DYDC2: variants seen among roughly 807,000 people sequenced by gnomAD.
The protein encoded by DYDC2 is DPY30 domain containing 2, also known as DPY30 domain-containing protein 2.
DYDC2 carries 19 observed loss-of-function variants against 18.7 expected under a neutral mutation model. The ratio of observed to expected loss-of-function variants is 1.02; its 90% CI spans 0.71 to 1.49. The LOEUF is 1.49. Among genes scored for constraint, DYDC2 ranks in the 40% most tolerant of loss-of-function variants. The pLI, the probability that DYDC2 is intolerant of heterozygous loss-of-function variation, is 0.00. For synonymous variants in DYDC2, 63 were observed against 67.6 expected (o/e 0.93, Z 0.34); for missense variants, 179 against 205.1 (o/e 0.87, Z 0.78).
chr10:80,347,106 T>C (rs1297850371), intron 1 of DYDC2, among the ~76,000 whole-genome samples: 1 of 151,474 alleles, frequency 6.6e-6, no homozygotes, highest in Non-Finnish European at 1.5e-5. Context: ...AAAGCAGCCA[T>C]CCTAATAGGG....
At chr10:80,352,133 T>A (rs1251707554), upstream of DYDC2, 5 of 825,336 alleles carry the variant, frequency 6.1e-6, no homozygotes, top group South Asian at 8.7e-5. Flanking sequence ...CCTGTGGAAA[T>A]GATATAATAA....
intron 2 of DYDC2, among the ~76,000 whole-genome samples, chr10:80,362,197 G>A (rs948240636): frequency 2.0e-5 from 3 of 152,352 alleles, no homozygotes; most frequent in South Asian, 2.1e-4. Context: ...GAATTAAAAT[G>A]TGTCAACTTC....
chr10:80,354,144 A>ATT (rs1324273411), upstream of DYDC2, among the ~76,000 whole-genome samples: 6 of 148,640 alleles, frequency 4.0e-5, no homozygotes, highest in East Asian at 2.0e-4. Context: ...ATATATATAT[A>ATT]TTTTTTCCTG....
At chr10:80,358,499 TTCAGA>T (rs1283644777) in intron 2 of DYDC2, among the ~76,000 whole-genome samples, 1 of 152,196 alleles carries the variant, frequency 6.6e-6, no homozygotes, top group Non-Finnish European at 1.5e-5. Context: ...ACACATTTCC[TTCAGA>T]TCATTGTTGA....
At chr10:80,351,997 T>C, upstream of DYDC2, 1 of 1,614,054 alleles carries the variant, frequency 6.2e-7, no homozygotes, top group South Asian at 1.1e-5. Context: ...CCATTTCCTT[T>C]TGTCTCTAGC....
At chr10:80,348,072 C>T (rs949055765) in intron 1 of DYDC2, among the ~76,000 whole-genome samples, 7 of 152,300 alleles carry the variant, frequency 4.6e-5, no homozygotes, top group African/African-American at 1.7e-4. Context: ...AATACTAACT[C>T]TTCTGATATA....
In DYDC2 at chr10:80,362,961, AG is replaced by A; in HGVS notation, c.159del (p.Lys54ArgfsTer17). 1 of 1,613,512 alleles carries A rather than the reference AG, an allele frequency of 6.2e-7. No homozygotes were observed. Among genetic ancestry groups the A allele is most frequent in the Non-Finnish European group, 8.5e-7 (1 of 1,179,810 alleles). On this transcript the variant is annotated frameshift_variant, in exon 4 of 5. Coordinates refer to ENST00000256039, the MANE Select transcript of DYDC2 (RefSeq NM_032372.6). LOFTEE classifies it high-confidence loss of function. ...TAKAKEENRE[K>X]KIHLQEEYDS... ...GTCACCTCACCCCAGAATAGGGAAA[AG>A]AAGATCCACCTGCAGGAGGAATATG...
At chr10:80,366,056 G>A (rs111579493) in intron 4 of DYDC2, among the ~76,000 whole-genome samples, 6,052 of 105,356 alleles carry the variant, frequency 0.057, 437 homozygotes, top group African/African-American at 0.2. Context: ...TTTTTGAGAC[G>A]GAGTCTCACT....
At chr10:80,358,592 C>T (rs544978316) in intron 2 of DYDC2, among the ~76,000 whole-genome samples, 2 of 152,268 alleles carry the variant, frequency 1.3e-5, no homozygotes, top group South Asian at 2.1e-4. Context: ...CACCCCCTGA[C>T]TAGAGAATGC....
chr10:80,361,395 G>T (rs1024669382), intron 2 of DYDC2, among the ~76,000 whole-genome samples: 2 of 152,132 alleles, frequency 1.3e-5, no homozygotes, highest in Non-Finnish European at 2.9e-5. Context: ...GCCAGGTTTT[G>T]CCACTGTAAA....
intron 2 of DYDC2, among the ~76,000 whole-genome samples, chr10:80,358,621 T>G (rs1488690171): frequency 6.6e-6 from 1 of 152,208 alleles, no homozygotes; most frequent in African/African-American, 2.4e-5. Flanking sequence ...TGATTCTGCC[T>G]TCGGGGAAGG....
chr10:80,350,775 C>G (rs938816542), intron 1 of DYDC2, among the ~76,000 whole-genome samples: 1 of 152,160 alleles, frequency 6.6e-6, no homozygotes, highest in South Asian at 2.1e-4. Context: ...ATGGAAGTGG[C>G]TTAAATTTAG....
At chr10:80,351,096 C>T (rs1842949503) in intron 1 of DYDC2, among the ~76,000 whole-genome samples, 1 of 152,172 alleles carries the variant, frequency 6.6e-6, no homozygotes, top group Non-Finnish European at 1.5e-5. Flanking sequence ...TTCCATTCTC[C>T]AAAGCTGTCA....
At chr10:80,365,569 G>A (rs1934694) in intron 4 of DYDC2, among the ~76,000 whole-genome samples, 114,875 of 152,190 alleles carry the variant, frequency 0.75, 44,253 homozygotes, top group East Asian at 0.97. Flanking sequence ...TGAACTCCAC[G>A]GGGCTCATTG....
intron 2 of DYDC2, among the ~76,000 whole-genome samples, chr10:80,359,261 A>C (rs540653413): frequency 5.9e-5 from 9 of 152,326 alleles, no homozygotes; most frequent in African/African-American, 2.2e-4. Context: ...GATTAGCTAG[A>C]CACAGAGCAC....
At chr10:80,350,259 T>C (rs1286053322) in intron 1 of DYDC2, among the ~76,000 whole-genome samples, 1 of 152,244 alleles carries the variant, frequency 6.6e-6, no homozygotes, top group Non-Finnish European at 1.5e-5. Context: ...AAACTTGTTA[T>C]TGCTAGTATT....
intron 2 of DYDC2, 23 bp from the exon 3 acceptor site, chr10:80,362,412 G>A (rs755948737): frequency 6.3e-7 from 1 of 1,599,550 alleles, no homozygotes; most frequent in Non-Finnish European, 8.5e-7. Context: ...AAAATAGTGT[G>A]ACTTTGTTTT....
chr10:80,346,661 C>T (rs1365333455), intron 1 of DYDC2, among the ~76,000 whole-genome samples: 19 of 151,160 alleles, frequency 1.3e-4, no homozygotes, highest in Admixed American at 1.1e-3. Flanking sequence ...GGGGTTTCAC[C>T]ATGTTAGCTA....
intron 1 of DYDC2, among the ~76,000 whole-genome samples, chr10:80,346,867 G>T (rs1175391845): frequency 1.3e-5 from 2 of 151,580 alleles, no homozygotes; most frequent in African/African-American, 2.4e-5. Flanking sequence ...CTGAGGTCAG[G>T]AGTTCAAGAC....
Sources: gnomAD v4.1 joint callset for allele counts (sites outside exome capture counted in the v4.1 genomes callset) on GRCh38, gnomAD v4.1.1 for gene constraint, MANE v1.5 for transcripts, NCBI Gene and HGNC (gene_info 2026-07-23, HGNC 2026-07-21) for gene names.